The following ATP8B4 variants were observed in gnomAD, a reference collection of about 807,000 sequenced individuals.
ATP8B4 encodes the protein ATPase phospholipid transporting 8B4 (putative).
ATP8B4 carries 133 observed loss-of-function variants against 145.6 expected under a neutral mutation model. That is an observed-to-expected ratio of 0.91 (90% CI 0.79 to 1.05). The LOEUF (loss-of-function observed/expected upper bound fraction) is 1.05. ATP8B4 is among the 50% of genes least tolerant of loss of function. The probability of loss-of-function intolerance (pLI) is 0.00; values close to 1 mark genes in which losing one functional copy is unlikely to be tolerated. For synonymous variants in ATP8B4, 507 were observed against 492.9 expected (o/e 1.03, Z -0.38); for missense variants, 1,458 against 1,425.2 (o/e 1.02, Z -0.37).
At chr15:49,866,818 C>A (rs1410088505) in intron 25 of ATP8B4, among the ~76,000 whole-genome samples, 1 of 152,206 alleles carries the variant, frequency 6.6e-6, no homozygotes, top group African/African-American at 2.4e-5. Flanking sequence ...AGTTACTTTA[C>A]AAATGTCTCT....
intron 23 of ATP8B4, among the ~76,000 whole-genome samples, chr15:49,887,275 G>C (rs1451545016): frequency 1.3e-5 from 2 of 151,786 alleles, no homozygotes; most frequent in African/African-American, 2.4e-5. Flanking sequence ...AGCTGAGAGG[G>C]GCACATGAGC....
chr15:50,106,515 C>A (rs1427940499), intron 2 of ATP8B4, among the ~76,000 whole-genome samples: 1 of 152,190 alleles, frequency 6.6e-6, no homozygotes, highest in Non-Finnish European at 1.5e-5. Context: ...CACAATGGAA[C>A]ACTGCTTTGA....
chr15:50,014,185 G>A (rs2048922090), intron 6 of ATP8B4, among the ~76,000 whole-genome samples: 1 of 152,132 alleles, frequency 6.6e-6, no homozygotes, highest in Non-Finnish European at 1.5e-5. Flanking sequence ...GGGTACTAGA[G>A]AGAGTAGATA....
chr15:49,863,863 T>C (rs1437965675), intron 26 of ATP8B4, among the ~76,000 whole-genome samples: 1 of 152,102 alleles, frequency 6.6e-6, no homozygotes, highest in Non-Finnish European at 1.5e-5. Flanking sequence ...TTTTAAAAAA[T>C]TTCACTGGAG....
intron 2 of ATP8B4, among the ~76,000 whole-genome samples, chr15:50,098,852 T>G (rs1340987045): frequency 6.6e-6 from 1 of 152,132 alleles, no homozygotes; most frequent in Non-Finnish European, 1.5e-5. Flanking sequence ...CAAAACTGTT[T>G]CAATTTTCAT....
chr15:49,874,693 AT>A (rs1272545411), intron 25 of ATP8B4, among the ~76,000 whole-genome samples: 1 of 152,194 alleles, frequency 6.6e-6, no homozygotes, highest in Non-Finnish European at 1.5e-5. Context: ...AGGGTTAGAA[AT>A]TTCAAAAGTT....
intron 4 of ATP8B4, 85 bp downstream of exon 4, chr15:50,047,266 T>C: frequency 1.2e-6 from 1 of 821,672 alleles, no homozygotes; most frequent in Non-Finnish European, 2.0e-6. Context: ...TCACGAACAT[T>C]TAGCTAAGTA....
intron 10 of ATP8B4, among the ~76,000 whole-genome samples, chr15:49,984,359 C>T (rs1213413970): frequency 6.6e-6 from 1 of 152,098 alleles, no homozygotes; most frequent in African/African-American, 2.4e-5. Context: ...ACACATTGAA[C>T]AAAGAGAATT....
intron 2 of ATP8B4, among the ~76,000 whole-genome samples, chr15:50,092,438 G>C (rs1288461708): frequency 6.6e-6 from 1 of 151,942 alleles, no homozygotes; most frequent in Non-Finnish European, 1.5e-5. Flanking sequence ...AGATGATCCA[G>C]ATATTAGAAC....
At chr15:49,947,011 C>T (rs969076246) in intron 14 of ATP8B4, among the ~76,000 whole-genome samples, 7 of 152,214 alleles carry the variant, frequency 4.6e-5, no homozygotes, top group African/African-American at 1.7e-4. Context: ...CCCTGAAAGG[C>T]ACACTGTAAA....
intron 7 of ATP8B4, among the ~76,000 whole-genome samples, chr15:50,008,121 T>G (rs1019937195): frequency 5.9e-5 from 9 of 152,330 alleles, no homozygotes; most frequent in African/African-American, 2.2e-4. Flanking sequence ...AGCTCTAAGT[T>G]GCCCTGGCCC....
At chr15:49,901,898 G>A (rs1410305518) in intron 20 of ATP8B4, 3 of 372,530 alleles carry the variant, frequency 8.1e-6, no homozygotes. Flanking sequence ...AAATATAGAG[G>A]GTTGTTCCAA....
intron 9 of ATP8B4, among the ~76,000 whole-genome samples, chr15:49,994,146 G>A (rs1297937813): frequency 2.0e-5 from 3 of 152,242 alleles, no homozygotes; most frequent in East Asian, 1.9e-4. Context: ...TGGAGCTACT[G>A]TGTTCCATTT....
At chr15:49,963,334 C>T (rs1375491236) in intron 13 of ATP8B4, among the ~76,000 whole-genome samples, 1 of 152,132 alleles carries the variant, frequency 6.6e-6, no homozygotes, top group East Asian at 1.9e-4. Flanking sequence ...TTAGTTCAAC[C>T]ATTGTGGAAG....
intron 20 of ATP8B4, among the ~76,000 whole-genome samples, chr15:49,909,039 C>T (rs1183771912): frequency 1.3e-5 from 2 of 152,138 alleles, no homozygotes; most frequent in Non-Finnish European, 2.9e-5. Context: ...CTTGGGATAA[C>T]CCTGTCCCTG....
intron 3 of ATP8B4, among the ~76,000 whole-genome samples, chr15:50,073,420 C>CT (rs2053979691): frequency 6.6e-6 from 1 of 152,066 alleles, no homozygotes; most frequent in South Asian, 2.1e-4. Flanking sequence ...TGAACTCATT[C>CT]TTTTTTATAG....
chr15:50,164,081 C>A, intron 1 of ATP8B4, among the ~76,000 whole-genome samples: 1 of 152,182 alleles, frequency 6.6e-6, no homozygotes, highest in East Asian at 1.9e-4. Flanking sequence ...GGAGCCAATG[C>A]CTGGAGTCAG....
At chr15:50,047,117 G>A (rs559075184) in intron 4 of ATP8B4, among the ~76,000 whole-genome samples, 1 of 152,174 alleles carries the variant, frequency 6.6e-6, no homozygotes, top group African/African-American at 2.4e-5. Flanking sequence ...CAAATAAAGT[G>A]CAAGGCTGTG....
chr15:50,158,580 G>A (rs567263871), intron 1 of ATP8B4, among the ~76,000 whole-genome samples: 39 of 152,282 alleles, frequency 2.6e-4, no homozygotes, highest in Non-Finnish European at 4.6e-4. Context: ...CCCTCTGCCC[G>A]GCCACCACCC....
Sources: gnomAD v4.1 joint callset for allele counts (sites outside exome capture counted in the v4.1 genomes callset) on GRCh38, gnomAD v4.1.1 for gene constraint, MANE v1.5 for transcripts, NCBI Gene and HGNC (gene_info 2026-07-23, HGNC 2026-07-21) for gene names.